The following WDPCP variants were observed in gnomAD, a reference collection of about 807,000 sequenced individuals.
WDPCP encodes the protein WD repeat containing planar cell polarity effector, also known as WD repeat-containing and planar cell polarity effector protein fritz homolog.
A neutral mutation model predicts 93.1 loss-of-function variants in WDPCP; 71 were observed. That is an observed-to-expected ratio of 0.76 (90% CI 0.63 to 0.93). The LOEUF (loss-of-function observed/expected upper bound fraction) is 0.93. Ranked by LOEUF, WDPCP falls within the 40% of genes least tolerant of loss-of-function variation. The probability of loss-of-function intolerance (pLI) is 0.00; values close to 1 mark genes in which losing one functional copy is unlikely to be tolerated. For synonymous variants in WDPCP, 315 were observed against 315.0 expected, an observed-to-expected ratio of 1.00 and a Z score of 0.00; for missense variants, 844 against 887.4, an observed-to-expected ratio of 0.95 and a Z score of 0.62.
In WDPCP at chr2:63,119,880, G is replaced by A. The variant is rs1452937079; in HGVS notation, c.*2126C>T. On this transcript the variant is annotated 3_prime_UTR_variant, in exon 18 of 18. Coordinates refer to ENST00000272321, the MANE Select transcript of WDPCP (RefSeq NM_015910.7). ...GAAATAACAGCATTTATAAATCATGGACATTATCAAAGATCATTCATAATA... is the reference window on the plus strand; with the variant it reads ...GAAATAACAGCATTTATAAATCATGAACATTATCAAAGATCATTCATAATA... Among the ~76,000 whole-genome samples the A allele has an allele frequency of 3.9e-5, 6 of 152,060 alleles. No individual in the cohort carries two copies. The highest frequency in any genetic ancestry group is 8.8e-5 in the Non-Finnish European group (6 of 68,018).
chr2:63,797,173 C>T (rs920157673), intron 2 of WDPCP, among the ~76,000 whole-genome samples: 1 of 152,150 alleles, frequency 6.6e-6, no homozygotes, highest in African/African-American at 2.4e-5. Context: ...TCTGAATAAT[C>T]AGCAGCACTA....
chr2:63,273,037 C>G (rs1035652196), intron 13 of WDPCP, among the ~76,000 whole-genome samples: 3 of 152,014 alleles, frequency 2.0e-5, no homozygotes, highest in Non-Finnish European at 4.4e-5. Context: ...TCCCATCAGA[C>G]TAACACTGGA....
intron 11 of WDPCP, among the ~76,000 whole-genome samples, chr2:63,380,965 G>A (rs1359196422): frequency 2.0e-5 from 3 of 151,976 alleles, no homozygotes; most frequent in African/African-American, 7.2e-5. Context: ...GTAATAAAGT[G>A]GGATAAGAAA....
chr2:63,307,985 G>A (rs1229359628), intron 13 of WDPCP, among the ~76,000 whole-genome samples: 2 of 152,050 alleles, frequency 1.3e-5, no homozygotes, highest in African/African-American at 4.8e-5. Flanking sequence ...ATCTGACAAA[G>A]GGCTAATCTA....
chr2:63,748,477 T>C (rs1669832068), intron 2 of WDPCP, among the ~76,000 whole-genome samples: 2 of 152,084 alleles, frequency 1.3e-5, no homozygotes, highest in Non-Finnish European at 1.5e-5. Context: ...TCTGCATTTA[T>C]TGAGATGATC....
chr2:63,278,989 A>G (rs1683298487), intron 13 of WDPCP, among the ~76,000 whole-genome samples: 1 of 152,204 alleles, frequency 6.6e-6, no homozygotes, highest in East Asian at 1.9e-4. Flanking sequence ...AAATTGAAAT[A>G]GTAATAAGAC....
intron 1 of WDPCP, among the ~76,000 whole-genome samples, chr2:63,522,459 C>G (rs7586835): frequency 1.5e-4 from 22 of 146,410 alleles, no homozygotes; most frequent in South Asian, 6.8e-4. Flanking sequence ...CAGACAGACA[C>G]ACACACACAC....
At chr2:63,140,248 C>T (rs1244120021) in intron 17 of WDPCP, among the ~76,000 whole-genome samples, 1 of 152,026 alleles carries the variant, frequency 6.6e-6, no homozygotes, top group Non-Finnish European at 1.5e-5. Flanking sequence ...AGGTAGTGTG[C>T]TTCCTCTAGA....
intron 13 of WDPCP, among the ~76,000 whole-genome samples, chr2:63,293,468 G>A (rs1321083092): frequency 6.6e-6 from 1 of 151,758 alleles, no homozygotes; most frequent in Non-Finnish European, 1.5e-5. Context: ...CCAGTTTTCA[G>A]CAACAAAAAA....
chr2:63,714,535 C>A (rs944278892), intron 2 of WDPCP, among the ~76,000 whole-genome samples: 2 of 152,076 alleles, frequency 1.3e-5, no homozygotes, highest in Non-Finnish European at 2.9e-5. Flanking sequence ...TACAACCCAG[C>A]AATTCCAGTC....
At chr2:63,515,986 C>T (rs1702527729) in intron 1 of WDPCP, among the ~76,000 whole-genome samples, 1 of 150,858 alleles carries the variant, frequency 6.6e-6, no homozygotes, top group African/African-American at 2.4e-5. Context: ...CGCTATTGCA[C>T]TCCAGCCTGT....
intron 14 of WDPCP, among the ~76,000 whole-genome samples, chr2:63,205,114 G>A (rs1372302209): frequency 6.6e-6 from 1 of 152,106 alleles, no homozygotes; most frequent in Non-Finnish European, 1.5e-5. Flanking sequence ...TTCCCCCAGT[G>A]TATGCTTTTG....
chr2:63,708,249 C>A (rs1368840937), intron 2 of WDPCP, among the ~76,000 whole-genome samples: 2 of 152,224 alleles, frequency 1.3e-5, no homozygotes, highest in African/African-American at 2.4e-5. Flanking sequence ...GGCAGGCAGG[C>A]CTCCTTGAGT....
At chr2:63,603,655 C>CTTTT (rs11297982) in intron 3 of WDPCP, among the ~76,000 whole-genome samples, 91 of 99,060 alleles carry the variant, frequency 9.2e-4, no homozygotes, top group Middle Eastern at 6.8e-3. Flanking sequence ...CAAGACATTT[C>CTTTT]TTTTTTTTTT....
At chr2:63,360,246 A>T (rs1037520087) in intron 12 of WDPCP, among the ~76,000 whole-genome samples, 1 of 152,220 alleles carries the variant, frequency 6.6e-6, no homozygotes, top group African/African-American at 2.4e-5. Context: ...TTTTAGGCTG[A>T]ATAATGGAAG....
At chr2:63,836,706 C>T in the WDPCP span, among the ~76,000 whole-genome samples, 3 of 152,110 alleles carry the variant, frequency 2.0e-5, no homozygotes, top group African/African-American at 7.2e-5. Context: ...TACAGTTTTG[C>T]ACATGAGAGA....
At chr2:63,358,655 CT>C (rs1262107881) in intron 12 of WDPCP, among the ~76,000 whole-genome samples, 1 of 152,116 alleles carries the variant, frequency 6.6e-6, no homozygotes, top group Non-Finnish European at 1.5e-5. Flanking sequence ...TGGGGTCTCA[CT>C]TTGTTGCATC....
intron 6 of WDPCP, chr2:63,440,323 T>G (rs1005206080): frequency 1.3e-5 from 2 of 152,910 alleles, no homozygotes; most frequent in African/African-American, 4.8e-5. Context: ...ACAGCTAATG[T>G]TATGCATTTA....
At chr2:63,363,868 C>A (rs938590135) in intron 12 of WDPCP, among the ~76,000 whole-genome samples, 6 of 151,954 alleles carry the variant, frequency 3.9e-5, no homozygotes, top group African/African-American at 1.4e-4. Context: ...TGTATTTTTA[C>A]ATTAACCAAG....
Sources: gnomAD v4.1 joint callset for allele counts (sites outside exome capture counted in the v4.1 genomes callset) on GRCh38, gnomAD v4.1.1 for gene constraint, MANE v1.5 for transcripts, NCBI Gene and HGNC (gene_info 2026-07-23, HGNC 2026-07-21) for gene names.